The following EPHA6 variants were observed in gnomAD, a reference collection of about 807,000 sequenced individuals.
EPHA6 encodes EPH receptor A6.
A neutral mutation model predicts 112.0 loss-of-function variants in EPHA6; 50 were observed. The ratio of observed to expected loss-of-function variants is 0.45; its 90% CI spans 0.36 to 0.56. The LOEUF is 0.56. Ranked by LOEUF, EPHA6 falls within the 20% of genes least tolerant of loss-of-function variation. The probability of loss-of-function intolerance (pLI) is 0.00; values close to 1 mark genes in which losing one functional copy is unlikely to be tolerated. For synonymous variants in EPHA6, 529 were observed against 490.7 expected, an observed-to-expected ratio of 1.08 and a Z score of -1.03; for missense variants, 1,280 against 1,417.4, an observed-to-expected ratio of 0.90 and a Z score of 1.56.
chr3:97,327,084 G>A (rs1178840986), intron 5 of EPHA6, among the ~76,000 whole-genome samples: 1 of 151,888 alleles, frequency 6.6e-6, no homozygotes, highest in South Asian at 2.1e-4. Flanking sequence ...GCCTGAAACC[G>A]GTAACCTTTA....
intron 5 of EPHA6, among the ~76,000 whole-genome samples, chr3:97,383,765 C>T (rs1240639320): frequency 1.3e-5 from 2 of 152,044 alleles, no homozygotes; most frequent in Middle Eastern, 3.2e-3. Context: ...TAAAGTAGAA[C>T]ATTAAAAGCT....
chr3:96,921,355 A>T (rs1361062533), intron 2 of EPHA6, among the ~76,000 whole-genome samples: 3 of 152,238 alleles, frequency 2.0e-5, no homozygotes, highest in Admixed American at 2.0e-4. Context: ...AACATTTTTT[A>T]AAACTTTAAA....
intron 3 of EPHA6, among the ~76,000 whole-genome samples, chr3:97,091,708 T>C (rs191703101): frequency 9.8e-4 from 149 of 152,270 alleles, no homozygotes; most frequent in Admixed American, 1.7e-3. Context: ...CTATTTAGTG[T>C]GGACCCACTA....
intron 14 of EPHA6, among the ~76,000 whole-genome samples, chr3:97,649,642 A>G (rs2094093279): frequency 6.6e-6 from 1 of 152,114 alleles, no homozygotes; most frequent in Non-Finnish European, 1.5e-5. Flanking sequence ...TTTCAGTAAA[A>G]AAGGTGATAA....
intron 5 of EPHA6, among the ~76,000 whole-genome samples, chr3:97,318,892 A>G (rs746283270): frequency 6.6e-5 from 10 of 152,004 alleles, no homozygotes; most frequent in East Asian, 1.9e-4. Flanking sequence ...CCTTCTATTT[A>G]TTGTTATTTA....
At chr3:97,650,137 C>G (rs1310845088) in intron 14 of EPHA6, among the ~76,000 whole-genome samples, 2 of 152,066 alleles carry the variant, frequency 1.3e-5, no homozygotes. Flanking sequence ...ACACACATAA[C>G]AAACGGGAGA....
intron 16 of EPHA6, among the ~76,000 whole-genome samples, chr3:97,747,081 T>G (rs2035746665): frequency 6.6e-6 from 1 of 151,670 alleles, no homozygotes; most frequent in African/African-American, 2.4e-5. Flanking sequence ...AAACAAAATT[T>G]TATGCAAGAG....
intron 3 of EPHA6, among the ~76,000 whole-genome samples, chr3:97,052,000 G>A (rs535570132): frequency 6.6e-6 from 1 of 152,054 alleles, no homozygotes; most frequent in East Asian, 1.9e-4. Flanking sequence ...TATGTATTTC[G>A]TTATCATTAT....
At chr3:97,388,442 G>A (rs1275112196) in intron 5 of EPHA6, among the ~76,000 whole-genome samples, 6 of 152,118 alleles carry the variant, frequency 3.9e-5, no homozygotes, top group Admixed American at 3.9e-4. Flanking sequence ...CTCGAGGAGG[G>A]AGTTAGGAAG....
chr3:96,894,821 A>G lies in EPHA6; in HGVS notation c.450+27932A>G, dbSNP rs567568540. Among the ~76,000 whole-genome samples, 5 of 152,304 alleles carry G rather than the reference A, an allele frequency of 3.3e-5. No individual in the cohort carries two copies. The South Asian group carries it at 1.0e-3, about 32-fold the overall frequency. On this transcript the variant is annotated intron_variant, in intron 2 of 17. Transcript: ENST00000389672. Reference sequence around the variant, plus strand: ...AATGCATAGATGAACAAGAAACAAAAGCAAAGGAAAGTGCAGGAAAAGAAA... The same window carrying G: ...AATGCATAGATGAACAAGAAACAAAGGCAAAGGAAAGTGCAGGAAAAGAAA...
At chr3:97,119,760 T>C (rs1487522640) in intron 3 of EPHA6, among the ~76,000 whole-genome samples, 1 of 152,056 alleles carries the variant, frequency 6.6e-6, no homozygotes, top group African/African-American at 2.4e-5. Flanking sequence ...CTCATGTTTT[T>C]GTATTATTTT....
At chr3:96,911,671 GT>G (rs2039221848) in intron 2 of EPHA6, among the ~76,000 whole-genome samples, 1 of 151,910 alleles carries the variant, frequency 6.6e-6, no homozygotes, top group African/African-American at 2.4e-5. Context: ...CTTTCGATAT[GT>G]TTTAAATATT....
At chr3:97,671,189 T>C (rs1482259571) in intron 14 of EPHA6, among the ~76,000 whole-genome samples, 1 of 152,146 alleles carries the variant, frequency 6.6e-6, no homozygotes, top group Non-Finnish European at 1.5e-5. Context: ...CACAAATAGC[T>C]CCCTGTGAGC....
At chr3:97,029,609 G>C (rs1305093451) in intron 3 of EPHA6, among the ~76,000 whole-genome samples, 2 of 152,022 alleles carry the variant, frequency 1.3e-5, no homozygotes, top group African/African-American at 4.8e-5. Flanking sequence ...CAAATGAATT[G>C]CAAAGAGGAA....
intron 3 of EPHA6, among the ~76,000 whole-genome samples, chr3:97,033,576 G>A (rs1008010324): frequency 3.3e-5 from 5 of 151,892 alleles, no homozygotes; most frequent in African/African-American, 1.2e-4. Flanking sequence ...GATAGTGTTT[G>A]GCTGATAAGA....
At chr3:96,904,249 C>T (rs1319503302) in intron 2 of EPHA6, among the ~76,000 whole-genome samples, 1 of 151,898 alleles carries the variant, frequency 6.6e-6, no homozygotes, top group African/African-American at 2.4e-5. Flanking sequence ...AAATGTGGCA[C>T]ATATACACCA....
At chr3:97,035,574 TC>T (rs2045059722) in intron 3 of EPHA6, among the ~76,000 whole-genome samples, 1 of 151,952 alleles carries the variant, frequency 6.6e-6, no homozygotes, top group Non-Finnish European at 1.5e-5. Flanking sequence ...TACTTACAGT[TC>T]TATTTTTGAG....
chr3:97,155,334 C>T (rs532683185), intron 3 of EPHA6, among the ~76,000 whole-genome samples: 1 of 152,234 alleles, frequency 6.6e-6, no homozygotes, highest in South Asian at 2.1e-4. Context: ...AGAAGTCATT[C>T]AGTTTCTCTG....
intron 2 of EPHA6, among the ~76,000 whole-genome samples, chr3:96,938,089 G>A (rs1356097708): frequency 4.0e-5 from 6 of 151,162 alleles, no homozygotes; most frequent in Non-Finnish European, 7.4e-5. Flanking sequence ...TTGGTGATGC[G>A]GGCTCTTTTT....
Sources: allele counts gnomAD v4.1 joint callset (sites outside exome capture counted in the v4.1 genomes callset), GRCh38; gene constraint gnomAD v4.1.1; transcripts MANE v1.5; gene names NCBI Gene and HGNC (gene_info 2026-07-23, HGNC 2026-07-21).